LUZP2: variants seen among roughly 807,000 people sequenced by gnomAD.
The protein encoded by LUZP2 is leucine zipper protein 2.
Under a neutral mutation model 51.6 loss-of-function variants are expected in LUZP2, and 52 were observed. That is an observed-to-expected ratio of 1.01 (90% confidence interval 0.81 to 1.27). The LOEUF (loss-of-function observed/expected upper bound fraction) is 1.27. Ranked by LOEUF, LUZP2 falls within the 50% of genes most tolerant of loss-of-function variation. LUZP2 has a pLI of 0.00. For synonymous variants in LUZP2, 154 were observed against 137.3 expected (o/e 1.12, Z -0.85); for missense variants, 436 against 395.4 (o/e 1.10, Z -0.87).
chr11:24,713,685 T>TTG (rs1189799638), intron 1 of LUZP2, among the ~76,000 whole-genome samples: 1 of 136,120 alleles, frequency 7.3e-6, no homozygotes, highest in African/African-American at 2.9e-5. Context: ...GAGAATCTGT[T>TTG]TTTTTTTTTT....
chr11:25,046,990 A>G (rs879197214), intron 9 of LUZP2, among the ~76,000 whole-genome samples: 1 of 152,116 alleles, frequency 6.6e-6, no homozygotes, highest in African/African-American at 2.4e-5. Flanking sequence ...TTATTTTTTA[A>G]TTTCCTTTAA....
rs558952316 is a variant in LUZP2, at chr11:24,540,464, G to A, written c.62+43159G>A. Among the ~76,000 whole-genome samples the A allele has an allele frequency of 2.6e-5, 4 of 152,160 alleles. No homozygotes were observed. In the East Asian group the frequency reaches 5.8e-4, roughly 22 times the overall value. ...TGCTCTCTCTCTGTCTGTCATGTGC[G>A]GATGCAGCAAGAACCAAGACTAAGA... On this transcript the variant is annotated intron_variant, in intron 1 of 11. Transcript: ENST00000336930.
chr11:24,790,572 G>T (rs76931562), intron 5 of LUZP2, among the ~76,000 whole-genome samples: 106 of 152,080 alleles, frequency 7.0e-4, no homozygotes, highest in African/African-American at 2.4e-3. Context: ...CACAATCTCA[G>T]CTCACTGCAA....
chr11:25,076,018 T>C (rs1421351265), intron 10 of LUZP2, among the ~76,000 whole-genome samples: 1 of 151,644 alleles, frequency 6.6e-6, no homozygotes, highest in Non-Finnish European at 1.5e-5. Flanking sequence ...AATAATTATA[T>C]ATATTCTTTT....
intron 1 of LUZP2, among the ~76,000 whole-genome samples, chr11:24,616,741 C>A (rs1854302366): frequency 6.6e-6 from 1 of 152,090 alleles, no homozygotes; most frequent in Non-Finnish European, 1.5e-5. Flanking sequence ...TAGACTGATA[C>A]CTCTGACCTT....
intron 5 of LUZP2, among the ~76,000 whole-genome samples, chr11:24,783,447 C>T (rs1397432521): frequency 1.3e-5 from 2 of 151,742 alleles, no homozygotes; most frequent in Admixed American, 6.6e-5. Context: ...TAAAAATTAA[C>T]CCTATTTTGA....
rs180820143 is a variant in LUZP2, at chr11:24,936,775, C to T, written c.522+22237C>T. Among the ~76,000 whole-genome samples, 393 of 152,154 alleles carry T rather than the reference C, an allele frequency of 2.6e-3. 2 individuals are homozygous for T. The highest frequency in any genetic ancestry group is 8.9e-3 in the African/African-American group (371 of 41,514). ...TGAAATCATTTCAGTACTCTGAACT[C>T]GTGCAGTTTAGTCAGAGGCCAAAAT... On this transcript the variant is annotated intron_variant, in intron 7 of 11. Coordinates refer to ENST00000336930, the MANE Select transcript of LUZP2 (RefSeq NM_001009909.4).
chr11:24,588,814 G>A lies in LUZP2; in HGVS notation c.62+91509G>A, dbSNP rs112337598. Among the ~76,000 whole-genome samples the A allele has an allele frequency of 2.5e-3, 386 of 152,064 alleles. 1 individual carries two copies. Among genetic ancestry groups the A allele is most frequent in the African/African-American group, 8.9e-3 (371 of 41,502 alleles). On this transcript the variant is annotated intron_variant, in intron 1 of 11. Coordinates refer to ENST00000336930, the MANE Select transcript of LUZP2 (RefSeq NM_001009909.4). Reference sequence around the variant, plus strand: ...CTTATAGATGAAAAACTGAGGCCTAGAGAGATTAAATAACTTTCCTAAAAT... The same window carrying A: ...CTTATAGATGAAAAACTGAGGCCTAAAGAGATTAAATAACTTTCCTAAAAT...
At chr11:24,704,735 A>G (rs1325315183) in intron 1 of LUZP2, among the ~76,000 whole-genome samples, 2 of 152,160 alleles carry the variant, frequency 1.3e-5, no homozygotes, top group Non-Finnish European at 2.9e-5. Flanking sequence ...CAAAATTGCT[A>G]TCAAATTTTG....
At chr11:24,568,203 C>T (rs570056126) in intron 1 of LUZP2, among the ~76,000 whole-genome samples, 7 of 151,768 alleles carry the variant, frequency 4.6e-5, no homozygotes, top group African/African-American at 1.7e-4. Flanking sequence ...CTACTAAAAA[C>T]ACAAAAATTA....
intron 1 of LUZP2, among the ~76,000 whole-genome samples, chr11:24,577,360 T>C (rs1852685695): frequency 1.3e-5 from 2 of 152,130 alleles, no homozygotes; most frequent in South Asian, 4.1e-4. Context: ...TTTGGGGTTT[T>C]TCAAGGCTGC....
At chr11:24,593,501 G>T (rs1266233465) in intron 1 of LUZP2, among the ~76,000 whole-genome samples, 2 of 152,160 alleles carry the variant, frequency 1.3e-5, no homozygotes, top group African/African-American at 4.8e-5. Context: ...TAAGCCTGGT[G>T]TCCACAGTAC....
intron 5 of LUZP2, among the ~76,000 whole-genome samples, chr11:24,798,901 A>G (rs1486694): frequency 0.98 from 149,868 of 152,168 alleles, 73,835 homozygotes; most frequent in Non-Finnish European, 1. Context: ...GGAGTTCACC[A>G]CATAGTTAGA....
intron 5 of LUZP2, among the ~76,000 whole-genome samples, chr11:24,804,103 CTAAG>C (rs1849781845): frequency 6.6e-6 from 1 of 151,820 alleles, no homozygotes; most frequent in African/African-American, 2.4e-5. Context: ...TCTGTGGACA[CTAAG>C]TGTCTACAAT....
intron 5 of LUZP2, among the ~76,000 whole-genome samples, chr11:24,800,690 AT>A: frequency 6.6e-6 from 1 of 151,970 alleles, no homozygotes; most frequent in Non-Finnish European, 1.5e-5. Flanking sequence ...GCTGGACAAA[AT>A]TTTTTCTCTG....
chr11:24,602,061 T>C (rs1385338045), intron 1 of LUZP2, among the ~76,000 whole-genome samples: 9 of 139,348 alleles, frequency 6.5e-5, no homozygotes, highest in South Asian at 2.2e-4. Flanking sequence ...TGTATATATG[T>C]GTATATATAT....
At chr11:24,638,366 A>G (rs2133940120) in intron 1 of LUZP2, among the ~76,000 whole-genome samples, 1 of 151,896 alleles carries the variant, frequency 6.6e-6, no homozygotes, top group South Asian at 2.1e-4. Context: ...CTACAGAAGA[A>G]TAACATTATA....
At chr11:24,520,884 G>C (rs563956875) in intron 1 of LUZP2, among the ~76,000 whole-genome samples, 5 of 152,290 alleles carry the variant, frequency 3.3e-5, no homozygotes, top group Admixed American at 3.3e-4. Flanking sequence ...CTCAACCAAG[G>C]GTTTTCCAGG....
chr11:25,075,630 A>G (rs548335374), intron 10 of LUZP2, among the ~76,000 whole-genome samples: 1 of 152,180 alleles, frequency 6.6e-6, no homozygotes, highest in Non-Finnish European at 1.5e-5. Context: ...CCTTTAGAGC[A>G]TGGAAGGATG....
Sources: gnomAD v4.1 joint callset for allele counts (sites outside exome capture counted in the v4.1 genomes callset) on GRCh38, gnomAD v4.1.1 for gene constraint, MANE v1.5 for transcripts, NCBI Gene and HGNC (gene_info 2026-07-23, HGNC 2026-07-21) for gene names.